Variants in FER observed in about 807,000 individuals in gnomAD.
FER encodes the protein FER tyrosine kinase, also known as tyrosine-protein kinase Fer.
A neutral mutation model predicts 111.0 loss-of-function variants in FER; 63 were observed. The observed-to-expected ratio is 0.57, with a 90% CI of 0.46 to 0.70. The LOEUF (loss-of-function observed/expected upper bound fraction) is 0.70. FER is among the 30% of genes least tolerant of loss of function. The probability of loss-of-function intolerance (pLI) is 0.00; values close to 1 mark genes in which losing one functional copy is unlikely to be tolerated. For missense variants in FER, 914 were observed against 954.0 expected (o/e 0.96, Z 0.55); for synonymous variants, 327 against 313.9 (o/e 1.04, Z -0.44).
At chr5:108,992,432 T>A (rs1763322752) in intron 13 of FER, among the ~76,000 whole-genome samples, 1 of 152,154 alleles carries the variant, frequency 6.6e-6, no homozygotes. Context: ...GAGGGGCTCC[T>A]CACTTCCCAG....
At chr5:108,782,095 C>T (rs1304164317) in intron 2 of FER, among the ~76,000 whole-genome samples, 1 of 152,104 alleles carries the variant, frequency 6.6e-6, no homozygotes, top group Non-Finnish European at 1.5e-5. Flanking sequence ...TCAGTTTTTC[C>T]TACCCTGCAC....
chr5:109,150,524 C>T (rs1754719814), intron 17 of FER, among the ~76,000 whole-genome samples: 1 of 152,186 alleles, frequency 6.6e-6, no homozygotes, highest in African/African-American at 2.4e-5. Flanking sequence ...CCTCAGACTT[C>T]TCTGACACTG....
chr5:108,760,638 T>C (rs1751628358), intron 1 of FER, among the ~76,000 whole-genome samples: 1 of 152,190 alleles, frequency 6.6e-6, no homozygotes, highest in African/African-American at 2.4e-5. Flanking sequence ...TGAATCAATC[T>C]CTGCTAGTTT....
intron 5 of FER, among the ~76,000 whole-genome samples, chr5:108,867,126 T>G (rs561644854): frequency 3.3e-5 from 5 of 152,142 alleles, no homozygotes; most frequent in Non-Finnish European, 7.4e-5. Flanking sequence ...CACTCAATAT[T>G]GCAGTTCACA....
intron 18 of FER, among the ~76,000 whole-genome samples, chr5:109,184,567 AATAAG>A (rs1476145128): frequency 6.6e-6 from 1 of 152,170 alleles, no homozygotes. Context: ...TATCTTACAA[AATAAG>A]ATATGAGTCT....
At chr5:109,112,963 A>T (rs1001408227) in intron 17 of FER, among the ~76,000 whole-genome samples, 1 of 152,150 alleles carries the variant, frequency 6.6e-6, no homozygotes, top group East Asian at 1.9e-4. Context: ...TGACATTTTC[A>T]TAGATATCCA....
chr5:109,129,296 T>A (rs1752093043), intron 17 of FER, among the ~76,000 whole-genome samples: 1 of 152,038 alleles, frequency 6.6e-6, no homozygotes, highest in African/African-American at 2.4e-5. Context: ...ATGGAAAATT[T>A]GTTACAGTTT....
intron 13 of FER, among the ~76,000 whole-genome samples, chr5:108,987,507 G>T (rs1299365734): frequency 6.6e-6 from 1 of 152,092 alleles, no homozygotes; most frequent in Non-Finnish European, 1.5e-5. Flanking sequence ...CACCTCAGTG[G>T]TTAGGTATAT....
At chr5:108,783,886 G>A (rs572513626) in intron 2 of FER, among the ~76,000 whole-genome samples, 1 of 152,242 alleles carries the variant, frequency 6.6e-6, no homozygotes, top group South Asian at 2.1e-4. Flanking sequence ...TTGGACATGT[G>A]GAGAACAAGA....
intron 4 of FER, among the ~76,000 whole-genome samples, chr5:108,834,579 C>T (rs1042650302): frequency 1.3e-5 from 2 of 151,700 alleles, no homozygotes; most frequent in African/African-American, 4.8e-5. Context: ...ACGTCTGTAA[C>T]CCCAGCCACT....
intron 1 of FER, among the ~76,000 whole-genome samples, chr5:108,749,388 G>A (rs1176516808): frequency 6.6e-6 from 1 of 152,034 alleles, no homozygotes; most frequent in Non-Finnish European, 1.5e-5. Context: ...GCGGGGTCTG[G>A]GGGCTGATGG....
intron 5 of FER, among the ~76,000 whole-genome samples, chr5:108,855,609 A>AAG (rs1314648677): frequency 2.0e-5 from 3 of 151,948 alleles, no homozygotes; most frequent in Non-Finnish European, 2.9e-5. Flanking sequence ...AAAAAAAAAA[A>AAG]AGAATACAAA....
At chr5:108,939,713 A>T (rs1756000727) in intron 10 of FER, among the ~76,000 whole-genome samples, 1 of 151,940 alleles carries the variant, frequency 6.6e-6, no homozygotes. Context: ...TTTATTTAAA[A>T]ATTTTAATTT....
intron 10 of FER, among the ~76,000 whole-genome samples, chr5:108,923,766 A>G (rs1176003739): frequency 6.6e-6 from 1 of 152,154 alleles, no homozygotes; most frequent in Non-Finnish European, 1.5e-5. Flanking sequence ...GTGGCAAGGA[A>G]ATTTAAAATT....
chr5:108,879,701 A>AAATATATATATATATATATATATAT, intron 8 of FER, among the ~76,000 whole-genome samples: 5 of 99,094 alleles, frequency 5.0e-5, no homozygotes, highest in South Asian at 3.1e-4. Flanking sequence ...ATTAAAAAAA[A>AAATATATATATATATATATATATAT]ATATATATAT....
At chr5:109,074,397 A>T (rs1776091167) in intron 16 of FER, among the ~76,000 whole-genome samples, 1 of 152,204 alleles carries the variant, frequency 6.6e-6, no homozygotes, top group Non-Finnish European at 1.5e-5. Flanking sequence ...ATCATGCAGG[A>T]TTGCTAGAGT....
chr5:108,822,709 A>ATTTATTTTATTTAT (rs1758987789), intron 3 of FER, among the ~76,000 whole-genome samples: 1 of 121,516 alleles, frequency 8.2e-6, no homozygotes, highest in Non-Finnish European at 1.7e-5. Context: ...ATTTTATTTT[A>ATTTATTTTATTTAT]TTTATTTTAT....
At chr5:109,075,347 A>G (rs1181400856) in intron 16 of FER, among the ~76,000 whole-genome samples, 1 of 152,012 alleles carries the variant, frequency 6.6e-6, no homozygotes, top group Non-Finnish European at 1.5e-5. Context: ...AATAGCAAAT[A>G]TATGAAAGCA....
intron 16 of FER, among the ~76,000 whole-genome samples, chr5:109,078,868 A>G (rs543954411): frequency 1.7e-4 from 26 of 152,288 alleles, no homozygotes; most frequent in South Asian, 2.1e-4. Context: ...AGAGAGGATC[A>G]CTAGTAATTG....
Sources: allele counts gnomAD v4.1 joint callset (sites outside exome capture counted in the v4.1 genomes callset), GRCh38; gene constraint gnomAD v4.1.1; transcripts MANE v1.5; gene names NCBI Gene and HGNC (gene_info 2026-07-23, HGNC 2026-07-21).